The following ECHDC1 variants were observed in gnomAD, a reference collection of about 807,000 sequenced individuals.
ECHDC1 encodes ethylmalonyl-CoA decarboxylase.
A neutral mutation model predicts 29.7 loss-of-function variants in ECHDC1; 29 were observed. The ratio of observed to expected loss-of-function variants is 0.98; its 90% CI spans 0.73 to 1.33. ECHDC1 has a LOEUF of 1.33. Ranked by LOEUF, ECHDC1 falls within the 40% of genes most tolerant of loss-of-function variation. The probability of loss-of-function intolerance (pLI) is 0.00; values close to 1 mark genes in which losing one functional copy is unlikely to be tolerated. For missense variants in ECHDC1, 328 were observed against 350.0 expected (o/e 0.94, Z 0.50); for synonymous variants, 126 against 123.1 (o/e 1.02, Z -0.15).
intron 1 of ECHDC1, among the ~76,000 whole-genome samples, chr6:127,337,343 G>A (rs1400788720): frequency 6.6e-6 from 1 of 152,122 alleles, no homozygotes; most frequent in Non-Finnish European, 1.5e-5. Flanking sequence ...TCTGAAGTCT[G>A]CTGAGAGATT....
At position 127,307,548 on chromosome 6, in the gene ECHDC1, G is replaced by T. The variant is rs185819726; in HGVS notation, c.497+7268C>A. Among the ~76,000 whole-genome samples, 1,139 of 150,150 alleles carry T rather than the reference G, an allele frequency of 7.6e-3. 7 individuals are homozygous for T. Among genetic ancestry groups the T allele is most frequent in the Non-Finnish European group, 0.013 (910 of 67,518 alleles). ...GGAGGCTGAGGCAGGAGAATCACTT[G>T]AACCTAGGAGGTGGAGGAGGTTGCA... On this transcript the variant is annotated intron_variant, in intron 5 of 5. Coordinates refer to ENST00000454859, the MANE Select transcript of ECHDC1 (RefSeq NM_001002030.2).
chr6:127,305,753 A>G (rs1275626555), intron 5 of ECHDC1, among the ~76,000 whole-genome samples: 1 of 152,332 alleles, frequency 6.6e-6, no homozygotes, highest in Admixed American at 6.5e-5. Flanking sequence ...GGGTGATAAG[A>G]TAGTATTTGC....
chr6:127,296,288 G>A (rs1412957880), intron 5 of ECHDC1, among the ~76,000 whole-genome samples: 1 of 152,006 alleles, frequency 6.6e-6, no homozygotes, highest in Non-Finnish European at 1.5e-5. Flanking sequence ...CCGCCTCCCA[G>A]GTTCAAGTGA....
chr6:127,312,354 C>A (rs1270651375), intron 5 of ECHDC1, among the ~76,000 whole-genome samples: 1 of 152,126 alleles, frequency 6.6e-6, no homozygotes, highest in East Asian at 1.9e-4. Flanking sequence ...AAATTCAAAT[C>A]TGAAATCACA....
At chr6:127,294,774 A>G (rs1780459355) in intron 5 of ECHDC1, 1 of 151,938 alleles carries the variant, frequency 6.6e-6, no homozygotes, top group Non-Finnish European at 1.5e-5. Context: ...TACAAAACAA[A>G]GCATCATGGG....
At chr6:127,296,121 C>T (rs1780572060) in intron 5 of ECHDC1, among the ~76,000 whole-genome samples, 2 of 152,284 alleles carry the variant, frequency 1.3e-5, no homozygotes, top group South Asian at 4.1e-4. Flanking sequence ...TATGGAAAGG[C>T]TTTTAAACTA....
intron 5 of ECHDC1, among the ~76,000 whole-genome samples, chr6:127,295,833 T>C (rs1218750127): frequency 6.6e-6 from 1 of 152,210 alleles, no homozygotes; most frequent in East Asian, 1.9e-4. Context: ...ACAGCATTAA[T>C]CATTTTAGAG....
chr6:127,339,957 C>G (rs1161406018), intron 1 of ECHDC1, among the ~76,000 whole-genome samples: 1 of 152,180 alleles, frequency 6.6e-6, no homozygotes, highest in Non-Finnish European at 1.5e-5. Context: ...TCCATCACTC[C>G]TAGCTGAGGA....
intron 5 of ECHDC1, among the ~76,000 whole-genome samples, chr6:127,297,585 T>C (rs1780710056): frequency 6.6e-6 from 1 of 152,150 alleles, no homozygotes; most frequent in South Asian, 2.1e-4. Context: ...TTTTTTCCTT[T>C]GTGTGATTAG....
At chr6:127,297,820 G>A (rs1361302077) in intron 5 of ECHDC1, among the ~76,000 whole-genome samples, 5 of 152,126 alleles carry the variant, frequency 3.3e-5, no homozygotes, top group African/African-American at 1.2e-4. Context: ...AAAAGCTTTT[G>A]GATTCAACTG....
chr6:127,301,579 T>A lies in ECHDC1; in HGVS notation c.498-11302A>T, dbSNP rs9491726. 8.1e-3 allele frequency among the ~76,000 whole-genome samples: 1,238 copies of A among 152,252 alleles called. 20 individuals carry two copies. Among genetic ancestry groups the A allele is most frequent in the African/African-American group, 0.027 (1,139 of 41,530 alleles). The stretch of plus-strand genomic sequence containing the variant: ...CTGATGAGGTACTGATAAAATTAAG[T>A]GGAAAAAATCAGCTAGAGGAACTTG... On this transcript the variant is annotated intron_variant, in intron 5 of 5. Coordinates refer to ENST00000454859, the MANE Select transcript of ECHDC1 (RefSeq NM_001002030.2).
intron 5 of ECHDC1, among the ~76,000 whole-genome samples, chr6:127,291,426 G>A (rs1780171869): frequency 6.6e-6 from 1 of 152,014 alleles, no homozygotes; most frequent in African/African-American, 2.4e-5. Flanking sequence ...GTTATTGATA[G>A]TGGCTTGGAT....
intron 1 of ECHDC1, chr6:127,331,767 CAGAA>C (rs1442535104): frequency 9.7e-6 from 9 of 932,380 alleles, no homozygotes; most frequent in African/African-American, 3.6e-5. Flanking sequence ...AGCCTCTATG[CAGAA>C]ATGCTGCAAG....
chr6:127,303,422 C>T (rs1041814937), intron 5 of ECHDC1, among the ~76,000 whole-genome samples: 5 of 152,022 alleles, frequency 3.3e-5, no homozygotes, highest in Non-Finnish European at 5.9e-5. Flanking sequence ...GTCTTATTGC[C>T]GATGTGAAGA....
chr6:127,335,289 G>T (rs1473948187), intron 1 of ECHDC1, among the ~76,000 whole-genome samples: 1 of 152,018 alleles, frequency 6.6e-6, no homozygotes, highest in Non-Finnish European at 1.5e-5. Flanking sequence ...CTTGAGAACA[G>T]TATTTCAAAA....
chr6:127,321,457 T>G (rs1782818144), intron 3 of ECHDC1, among the ~76,000 whole-genome samples: 1 of 152,212 alleles, frequency 6.6e-6, no homozygotes, highest in Admixed American at 6.5e-5. Flanking sequence ...CCTTCTCAAG[T>G]ATATAGGAAT....
rs560429015 is a variant in ECHDC1, at chr6:127,295,718, C to T, written c.498-5441G>A. Among the ~76,000 whole-genome samples, 8 of 152,286 alleles carry T rather than the reference C, an allele frequency of 5.3e-5. No homozygotes were observed. The East Asian group carries it at 1.5e-3, about 29-fold the overall frequency. ...AAGATAACGTGGCTATTACCAAAAG[C>T]CTTGAACACTGCATATCCTTTCATT... On this transcript the variant is annotated intron_variant, in intron 5 of 5. Transcript: ENST00000454859.
intron 5 of ECHDC1, among the ~76,000 whole-genome samples, chr6:127,306,083 G>A (rs188937588): frequency 2.2e-3 from 320 of 147,124 alleles, no homozygotes; most frequent in African/African-American, 7.8e-3. Flanking sequence ...AAAGACACAC[G>A]AAGACTGAAA....
intron 3 of ECHDC1, among the ~76,000 whole-genome samples, chr6:127,324,343 G>A (rs753285618): frequency 1.8e-4 from 27 of 151,988 alleles, no homozygotes; most frequent in East Asian, 3.9e-4. Context: ...CCTCAAAAAC[G>A]CCTGTGAGAT....
Sources: allele counts gnomAD v4.1 joint callset (sites outside exome capture counted in the v4.1 genomes callset), GRCh38; gene constraint gnomAD v4.1.1; transcripts MANE v1.5; gene names NCBI Gene and HGNC (gene_info 2026-07-23, HGNC 2026-07-21).